PITPNB: variants seen among roughly 807,000 people sequenced by gnomAD.
PITPNB encodes the protein phosphatidylinositol transfer protein beta isoform.
Under a neutral mutation model 45.9 loss-of-function variants are expected in PITPNB, and 16 were observed. That is an observed-to-expected ratio of 0.35 (90% CI 0.24 to 0.53). The LOEUF is 0.53. PITPNB is among the 20% of genes least tolerant of loss of function. The pLI is 0.93. For missense variants in PITPNB, 188 were observed against 330.5 expected (o/e 0.57, Z 3.34); for synonymous variants, 112 against 108.9 (o/e 1.03, Z -0.18).
chr22:27,865,642 G>A (rs714743), intron 8 of PITPNB, among the ~76,000 whole-genome samples: 15,617 of 152,096 alleles, frequency 0.1, 938 homozygotes, highest in South Asian at 0.25. Context: ...CTCTCAAGAG[G>A]TTCACAGCCT....
At chr22:27,869,465 T>C (rs1009979696) in intron 8 of PITPNB, among the ~76,000 whole-genome samples, 13 of 152,294 alleles carry the variant, frequency 8.5e-5, no homozygotes, top group African/African-American at 2.6e-4. Context: ...TAGTGAATCC[T>C]CTCTAAACTG....
intron 7 of PITPNB, chr22:27,894,328 T>C (rs1032526054): frequency 2.2e-5 from 8 of 362,708 alleles, no homozygotes; most frequent in Non-Finnish European, 4.0e-5. Context: ...AGGGATCACT[T>C]GCACAAAGCC....
At chr22:27,868,029 C>CT (rs1224160277) in intron 8 of PITPNB, among the ~76,000 whole-genome samples, 2 of 152,120 alleles carry the variant, frequency 1.3e-5, no homozygotes, top group Non-Finnish European at 2.9e-5. Context: ...GCTTGAAGGT[C>CT]TGCTTTATTA....
chr22:27,912,656 A>G (rs1449713004), intron 2 of PITPNB, among the ~76,000 whole-genome samples: 1 of 151,966 alleles, frequency 6.6e-6, no homozygotes, highest in Non-Finnish European at 1.5e-5. Context: ...AAAAAAAAGA[A>G]TAAGAAATAG....
chr22:27,889,799 A>G (rs1416247142), intron 7 of PITPNB, among the ~76,000 whole-genome samples: 1 of 152,244 alleles, frequency 6.6e-6, no homozygotes, highest in Non-Finnish European at 1.5e-5. Context: ...ATTCAGTACT[A>G]TTGACTGCTA....
chr22:27,875,941 C>G (rs974508961), intron 7 of PITPNB, among the ~76,000 whole-genome samples: 1 of 152,108 alleles, frequency 6.6e-6, no homozygotes, highest in African/African-American at 2.4e-5. Flanking sequence ...GAATCAAAAC[C>G]AAACAAAAGC....
At chr22:27,886,109 C>G (rs928454804) in intron 7 of PITPNB, among the ~76,000 whole-genome samples, 1 of 152,200 alleles carries the variant, frequency 6.6e-6, no homozygotes, top group Non-Finnish European at 1.5e-5. Context: ...GGACGCTTCC[C>G]TCTTAAAGGA....
At chr22:27,855,626 G>A (rs1228915873) in intron 10 of PITPNB, among the ~76,000 whole-genome samples, 7 of 152,146 alleles carry the variant, frequency 4.6e-5, no homozygotes, top group African/African-American at 7.2e-5. Flanking sequence ...CCCCGGAACC[G>A]GAGGTGCCAG....
rs147213070 is a variant in PITPNB at position 27,898,571 on chromosome 22, T to C, written c.198-679A>G. On this transcript the variant is annotated intron_variant, in intron 3 of 11. Transcript: ENST00000335272. ...AGTTAGATGACATTATACTGTTTCT[T>C]AATGCAAAAAGCCCCAGAATAAGGA... is the stretch of plus-strand genomic sequence containing the variant. 6.2e-3 allele frequency among the ~76,000 whole-genome samples: 943 copies of C among 152,186 alleles called. 11 individuals carry two copies. The highest frequency in any genetic ancestry group is 0.029 in the Admixed American group (445 of 15,296).
intron 7 of PITPNB, among the ~76,000 whole-genome samples, chr22:27,882,811 G>T (rs1935011472): frequency 6.6e-6 from 1 of 152,182 alleles, no homozygotes; most frequent in South Asian, 2.1e-4. Flanking sequence ...GTTGGAACTT[G>T]TAAGTCACTT....
rs1482895770 is a variant in PITPNB, at chr22:27,919,241, C to CGCT, written c.-53_-51dup. On this transcript the variant is annotated 5_prime_UTR_variant, in exon 1 of 12. Coordinates refer to ENST00000335272, the MANE Select transcript of PITPNB (RefSeq NM_012399.5). Reference sequence around the variant, plus strand: ...CCGCCGATACCACCGCCGCCGCCGCCGCTACCGCCTCTCACAGCGCCTGCG... The same window carrying CGCT: ...CCGCCGATACCACCGCCGCCGCCGCCGCTGCTACCGCCTCTCACAGCGCCTGCG... 3.3e-6 allele frequency: 5 copies of CGCT among 1,511,260 alleles called. No individual in the cohort carries two copies. Among genetic ancestry groups the CGCT allele is most frequent in the African/African-American group, 2.7e-5 (2 of 73,080 alleles). The allele number at this position is 1,511,260 out of a possible 1,614,324, so 93.6% of individuals were successfully genotyped here.
intron 6 of PITPNB, among the ~76,000 whole-genome samples, chr22:27,895,662 T>C (rs1024178396): frequency 1.3e-5 from 2 of 151,726 alleles, no homozygotes; most frequent in Non-Finnish European, 2.9e-5. Context: ...AGTAAAATAC[T>C]ACATATTAAA....
intron 3 of PITPNB, among the ~76,000 whole-genome samples, chr22:27,905,470 G>C (rs1935729386): frequency 6.6e-6 from 1 of 152,168 alleles, no homozygotes; most frequent in Non-Finnish European, 1.5e-5. Context: ...ACATGTGCAA[G>C]ATGCTCTCTG....
rs1664518545 is a variant in PITPNB at position 27,853,473 on chromosome 22, C to T, written c.*229G>A. 1.5e-6 allele frequency: 1 copy of T among 665,496 alleles called. No individual in the cohort carries two copies. Among genetic ancestry groups the T allele is most frequent in the Non-Finnish European group, 2.7e-6 (1 of 370,122 alleles). 41.2% of individuals were successfully genotyped at this position (665,496 alleles called of 1,614,324 possible). On this transcript the variant is annotated 3_prime_UTR_variant, in exon 12 of 12. Transcript: ENST00000335272. ...GTGTGTATCTGGATCTGTAGCTCTA[C>T]ATGCGCTTTATATACAGCTACAGAC...
chr22:27,905,739 G>A (rs955368986), intron 3 of PITPNB, among the ~76,000 whole-genome samples: 12 of 152,162 alleles, frequency 7.9e-5, no homozygotes, highest in African/African-American at 2.7e-4. Context: ...TGAAGATGGC[G>A]AAAGTGTAAC....
intron 7 of PITPNB, among the ~76,000 whole-genome samples, chr22:27,884,791 C>A (rs977523637): frequency 1.3e-5 from 2 of 152,086 alleles, no homozygotes; most frequent in Admixed American, 1.3e-4. Context: ...GCTTTTATAT[C>A]ATTATTTCCT....
intron 8 of PITPNB, among the ~76,000 whole-genome samples, chr22:27,867,233 G>A (rs1934509615): frequency 6.6e-6 from 1 of 151,966 alleles, no homozygotes; most frequent in South Asian, 2.1e-4. Context: ...AATTCAGTGT[G>A]AACAACAGGA....
intron 8 of PITPNB, among the ~76,000 whole-genome samples, chr22:27,865,942 A>G (rs1223053654): frequency 6.6e-6 from 1 of 152,248 alleles, no homozygotes; most frequent in Non-Finnish European, 1.5e-5. Context: ...ATCTGAATTA[A>G]GATCTTTGAC....
intron 8 of PITPNB, among the ~76,000 whole-genome samples, chr22:27,861,024 GAAAAAAAAAAAAAAA>G (rs35013749): frequency 1.3e-3 from 74 of 57,834 alleles, no homozygotes; most frequent in South Asian, 4.7e-3. Context: ...CCCATTTCTG[GAAAAAAAAAAAAAAA>G]AAAAAAAAAG....
Sources: allele counts gnomAD v4.1 joint callset (sites outside exome capture counted in the v4.1 genomes callset), GRCh38; gene constraint gnomAD v4.1.1; transcripts MANE v1.5; gene names NCBI Gene and HGNC (gene_info 2026-07-23, HGNC 2026-07-21).